DST: variants seen among roughly 807,000 people sequenced by gnomAD.
DST encodes the protein dystonin.
A neutral mutation model predicts 875.2 loss-of-function variants in DST; 253 were observed. The ratio of observed to expected loss-of-function variants is 0.29; its 90% CI spans 0.26 to 0.32. The LOEUF is 0.32. Ranked by LOEUF, DST falls within the 10% of genes least tolerant of loss-of-function variation. DST has a pLI of 1.00. For synonymous variants in DST, 3,124 were observed against 3,197.1 expected (o/e 0.98, Z 0.77); for missense variants, 8,287 against 9,111.6 (o/e 0.91, Z 3.68).
intron 4 of DST, among the ~76,000 whole-genome samples, chr6:56,746,100 G>C (rs2099571598): frequency 6.6e-6 from 1 of 152,042 alleles, no homozygotes; most frequent in South Asian, 2.1e-4. Context: ...ACTCAACTCA[G>C]CCTCCTGAGT....
At chr6:56,893,562 CTTTTTTTTTTTTTTT>C (rs1282483681) in intron 3 of DST, among the ~76,000 whole-genome samples, 1 of 35,910 alleles carries the variant, frequency 2.8e-5, no homozygotes, top group Non-Finnish European at 5.1e-5. Context: ...ACTTTTAGTT[CTTTTTTTTTTTTTTT>C]TTTTTTTTTT....
At chr6:56,634,424 C>T (rs1379323281) in intron 26 of DST, 38 bp downstream of exon 26, 1 of 1,612,194 alleles carries the variant, frequency 6.2e-7, no homozygotes, top group Non-Finnish European at 8.5e-7. Context: ...AGAGGGCCCC[C>T]AAAACTAGCT....
Position 56,535,152 on chromosome 6 carries a change from T to G in DST, c.16911A>C (p.Lys5637Asn). The change falls in exon 63 of 104, where the codon AAA becomes AAC. Residue 5637 changes from lysine to asparagine, a missense_variant. By Grantham distance (94) the Lys-to-Asn change is moderately conservative (BLOSUM62 0). Around this residue, in one of 10 missense-constraint regions of DST, gnomAD observed 777 missense variants for 764.8 expected, o/e 1.02. Transcript: ENST00000680361. ...GTTCTTGTATCTGGGCCTTTACCAC[T>G]TTGAACTCAGCCGACGGGGGCTTCT... ...ANQKPPSAEF[K>N]VVKAQIQEQK... 6.2e-7 allele frequency: 1 copy of G among 1,613,852 alleles called. No homozygotes were observed. Among genetic ancestry groups the G allele is most frequent in the Non-Finnish European group, 8.5e-7 (1 of 1,179,836 alleles).
intron 26 of DST, 54 bp downstream of exon 26, chr6:56,634,408 A>G: frequency 6.2e-7 from 1 of 1,610,768 alleles, no homozygotes; most frequent in South Asian, 1.1e-5. Flanking sequence ...TGTTCCTTCA[A>G]CCTTCAGAGG....
chr6:56,688,766 G>A (rs1411240409), intron 9 of DST, among the ~76,000 whole-genome samples: 1 of 152,076 alleles, frequency 6.6e-6, no homozygotes, highest in East Asian at 1.9e-4. Context: ...CATTTGTTAT[G>A]AACAAACAAT....
chr6:56,574,586 A>C (rs2097836525), intron 50 of DST, among the ~76,000 whole-genome samples: 1 of 152,138 alleles, frequency 6.6e-6, no homozygotes, highest in Admixed American at 6.6e-5. Context: ...AAAAATAAAC[A>C]GGCTAACCTA....
chr6:56,679,454 A>G (rs576307060), intron 9 of DST, among the ~76,000 whole-genome samples: 30 of 151,980 alleles, frequency 2.0e-4, no homozygotes, highest in African/African-American at 7.0e-4. Context: ...CACCCCTCAC[A>G]ATATTGCTTT....
chr6:56,470,312 G>A, intron 95 of DST, 30 bp from the exon 96 acceptor site: 8 of 1,546,208 alleles, frequency 5.2e-6, no homozygotes, highest in Non-Finnish European at 7.0e-6. Context: ...GGTAAGTAGT[G>A]ACTTGTTAGT....
chr6:56,903,667 C>G (rs1308443807), intron 2 of DST, among the ~76,000 whole-genome samples: 1 of 152,092 alleles, frequency 6.6e-6, no homozygotes, highest in East Asian at 1.9e-4. Flanking sequence ...ACCATGTTGG[C>G]CAGGCTGGTC....
intron 2 of DST, among the ~76,000 whole-genome samples, chr6:56,937,982 G>A (rs1185988945): frequency 1.3e-5 from 2 of 152,066 alleles, no homozygotes; most frequent in African/African-American, 4.8e-5. Context: ...GCAGCATGGG[G>A]TTAGGGATTG....
chr6:56,873,985 T>C lies in DST; in HGVS notation c.418-22381A>G, dbSNP rs117054295. On this transcript the variant is annotated intron_variant, in intron 3 of 103. Transcript: ENST00000680361. ...TAAGCCAGCTTCAGTGGTGCATAAC[T>C]ATAGTCCTACTACTTGGGAGACTGA... is the stretch of plus-strand genomic sequence containing the variant. Among the ~76,000 whole-genome samples the C allele has an allele frequency of 2.8e-3, 419 of 152,240 alleles. 11 individuals are homozygous for C. In the East Asian group the frequency reaches 0.057, roughly 21 times the overall value.
intron 2 of DST, among the ~76,000 whole-genome samples, chr6:56,911,375 GA>G (rs2127718054): frequency 6.6e-6 from 1 of 152,294 alleles, no homozygotes; most frequent in East Asian, 1.9e-4. Flanking sequence ...CTGGTCTGCA[GA>G]CCAAACTTTG....
chr6:56,575,792 C>A (rs1232725439), intron 50 of DST, among the ~76,000 whole-genome samples: 1 of 152,138 alleles, frequency 6.6e-6, no homozygotes, highest in Non-Finnish European at 1.5e-5. Flanking sequence ...TGGTCGTTGA[C>A]CTCAGTTCCT....
chr6:56,515,978 A>G (rs1033024061), intron 71 of DST, among the ~76,000 whole-genome samples: 1 of 152,136 alleles, frequency 6.6e-6, no homozygotes, highest in African/African-American at 2.4e-5. Flanking sequence ...GGCAACATAT[A>G]TTTTGCAGAA....
chr6:56,865,111 A>G (rs1394962821), intron 3 of DST, among the ~76,000 whole-genome samples: 1 of 152,196 alleles, frequency 6.6e-6, no homozygotes, highest in Non-Finnish European at 1.5e-5. Context: ...TCCTGGAGCC[A>G]TTTCTGACAA....
At chr6:56,622,717 A>C (rs2098702160) in intron 36 of DST, among the ~76,000 whole-genome samples, 1 of 152,062 alleles carries the variant, frequency 6.6e-6, no homozygotes, top group Non-Finnish European at 1.5e-5. Flanking sequence ...AACTTCCTTA[A>C]CTTTTCTCTA....
At chr6:56,750,653 TAAG>T (rs2099584401) in intron 4 of DST, among the ~76,000 whole-genome samples, 1 of 152,066 alleles carries the variant, frequency 6.6e-6, no homozygotes, top group African/African-American at 2.4e-5. Flanking sequence ...ACACTTTTAT[TAAG>T]AAGTAGATAA....
chr6:56,938,875 G>C (rs548637174), intron 2 of DST, among the ~76,000 whole-genome samples: 2 of 152,214 alleles, frequency 1.3e-5, no homozygotes, highest in South Asian at 4.1e-4. Flanking sequence ...AAGATACCTG[G>C]GTGACTTCCA....
Position 56,884,885 on chromosome 6 carries a change from C to A in DST, c.417+15536G>T, listed in dbSNP as rs142817034. 9.6e-3 allele frequency among the ~76,000 whole-genome samples: 1,455 copies of A among 152,214 alleles called. 26 individuals carry two copies. Among genetic ancestry groups the A allele is most frequent in the African/African-American group, 0.033 (1,386 of 41,528 alleles). On this transcript the variant is annotated intron_variant, in intron 3 of 103. Transcript: ENST00000680361. The stretch of plus-strand genomic sequence containing the variant: ...CTGAGACTACAGGCACGTGCCACCA[C>A]GCCAGGCTAATTTTTTTTGTATATT...
Sources: gnomAD v4.1 joint callset for allele counts (sites outside exome capture counted in the v4.1 genomes callset) on GRCh38, gnomAD v4.1.1 for gene constraint, gnomAD v4.1.1 regional missense constraint, MANE v1.5 for transcripts, NCBI Gene and HGNC (gene_info 2026-07-23, HGNC 2026-07-21) for gene names.